Variants in PTPRT observed in about 807,000 individuals in gnomAD.
PTPRT encodes protein tyrosine phosphatase receptor type T.
Under a neutral mutation model 176.8 loss-of-function variants are expected in PTPRT, and 56 were observed. The ratio of observed to expected loss-of-function variants is 0.32; its 90% confidence interval spans 0.26 to 0.40. The LOEUF is 0.40. Ranked by LOEUF, PTPRT falls within the 10% of genes least tolerant of loss-of-function variation. The probability of loss-of-function intolerance (pLI) is 1.00; values close to 1 mark genes in which losing one functional copy is unlikely to be tolerated. For synonymous variants in PTPRT, 783 were observed against 739.0 expected, an observed-to-expected ratio of 1.06 and a Z score of -0.96; for missense variants, 1,540 against 1,908.2, an observed-to-expected ratio of 0.81 and a Z score of 3.60.
chr20:42,559,228 T>A (rs962384319), intron 7 of PTPRT, among the ~76,000 whole-genome samples: 1 of 152,204 alleles, frequency 6.6e-6, no homozygotes, highest in Non-Finnish European at 1.5e-5. Context: ...CTGTGATGTA[T>A]ACAAGGATTC....
At chr20:42,280,173 T>C (rs2057115599) in intron 13 of PTPRT, among the ~76,000 whole-genome samples, 2 of 152,190 alleles carry the variant, frequency 1.3e-5, no homozygotes, top group South Asian at 2.1e-4. Flanking sequence ...AGGTTCTTGA[T>C]ACAAACTCCT....
intron 15 of PTPRT, among the ~76,000 whole-genome samples, chr20:42,230,039 C>T (rs1023722644): frequency 2.0e-5 from 3 of 152,124 alleles, no homozygotes; most frequent in Admixed American, 1.3e-4. Flanking sequence ...CAAATTTGCT[C>T]CTGCCCATAA....
chr20:42,184,561 A>ATTCTTCTTC (rs1402560409), intron 16 of PTPRT, among the ~76,000 whole-genome samples: 2 of 128,256 alleles, frequency 1.6e-5, no homozygotes, highest in South Asian at 2.8e-4. Flanking sequence ...TCTTCTTCTT[A>ATTCTTCTTC]TTCTTCTTCT....
intron 8 of PTPRT, among the ~76,000 whole-genome samples, chr20:42,454,773 T>C (rs1433175923): frequency 6.6e-6 from 1 of 152,208 alleles, no homozygotes; most frequent in Non-Finnish European, 1.5e-5. Context: ...GATCAGATTT[T>C]AGTTTTTGTA....
intron 8 of PTPRT, among the ~76,000 whole-genome samples, chr20:42,451,023 A>C (rs2070818073): frequency 6.6e-6 from 1 of 152,186 alleles, no homozygotes; most frequent in African/African-American, 2.4e-5. Flanking sequence ...TCAGGGCAAA[A>C]TGGGGAGGAG....
At chr20:43,130,200 A>G (rs999884233) in intron 1 of PTPRT, among the ~76,000 whole-genome samples, 5 of 152,200 alleles carry the variant, frequency 3.3e-5, no homozygotes, top group African/African-American at 1.2e-4. Flanking sequence ...TCATTCAGAG[A>G]CTGAACCACA....
rs113394062 is a variant in PTPRT at position 42,818,956 on chromosome 20, G to T, written c.215-27490C>A. Reference sequence around the variant, plus strand: ...GTAGCAGAAAGAGATGGGGAGAGTGGAAACAAGCTGGAAAACACACTTCAG... The same window carrying T: ...GTAGCAGAAAGAGATGGGGAGAGTGTAAACAAGCTGGAAAACACACTTCAG... On this transcript the variant is annotated intron_variant, in intron 2 of 30. Transcript: ENST00000373187. Among the ~76,000 whole-genome samples the T allele has an allele frequency of 3.8e-3, 572 of 152,252 alleles. 4 individuals carry two copies. The highest frequency in any genetic ancestry group is 0.013 in the African/African-American group (540 of 41,550).
chr20:42,821,523 C>G (rs148776047), intron 2 of PTPRT, among the ~76,000 whole-genome samples: 1,911 of 152,252 alleles, frequency 0.013, 22 homozygotes, highest in Non-Finnish European at 0.022. Flanking sequence ...CCTCCTCTCA[C>G]CACTCCTATT....
intron 7 of PTPRT, among the ~76,000 whole-genome samples, chr20:42,544,873 C>T (rs1032758657): frequency 2.0e-5 from 3 of 152,150 alleles, no homozygotes; most frequent in Admixed American, 6.5e-5. Context: ...AGGCTGGTCT[C>T]GAACTTCTGA....
chr20:42,508,333 T>C (rs2071887206), intron 7 of PTPRT, among the ~76,000 whole-genome samples: 1 of 152,018 alleles, frequency 6.6e-6, no homozygotes, highest in South Asian at 2.1e-4. Context: ...CTAAGAACAG[T>C]TGGGGTTGGG....
At chr20:42,962,638 A>G (rs1019837436) in intron 1 of PTPRT, among the ~76,000 whole-genome samples, 7 of 152,250 alleles carry the variant, frequency 4.6e-5, no homozygotes, top group Non-Finnish European at 8.8e-5. Flanking sequence ...ATGATTAAAT[A>G]TCTGCAGGAT....
At chr20:42,501,132 T>C (rs922349860) in intron 7 of PTPRT, among the ~76,000 whole-genome samples, 2 of 152,044 alleles carry the variant, frequency 1.3e-5, no homozygotes, top group African/African-American at 4.8e-5. Flanking sequence ...CCCACAAGGG[T>C]AGCCAGTATC....
At chr20:42,647,137 C>A (rs1272110163) in intron 7 of PTPRT, among the ~76,000 whole-genome samples, 1 of 151,740 alleles carries the variant, frequency 6.6e-6, no homozygotes, top group Non-Finnish European at 1.5e-5. Flanking sequence ...GCTCAAGTGA[C>A]CCCTCCCACC....
chr20:42,694,520 A>T (rs2075843096), intron 6 of PTPRT, among the ~76,000 whole-genome samples: 1 of 152,178 alleles, frequency 6.6e-6, no homozygotes, highest in Non-Finnish European at 1.5e-5. Flanking sequence ...AGTTATGTAT[A>T]GGTTTTTGTG....
chr20:42,553,240 C>A (rs2072800121), intron 7 of PTPRT, among the ~76,000 whole-genome samples: 1 of 152,078 alleles, frequency 6.6e-6, no homozygotes, highest in South Asian at 2.1e-4. Flanking sequence ...AAATTTATTT[C>A]TTCTTCCTCA....
At chr20:42,817,925 G>A (rs771656942) in intron 2 of PTPRT, among the ~76,000 whole-genome samples, 2 of 152,204 alleles carry the variant, frequency 1.3e-5, no homozygotes, top group Non-Finnish European at 2.9e-5. Flanking sequence ...GGGACCAGCA[G>A]ACTTAGTCTC....
chr20:42,133,535 G>A (rs1337805706), intron 18 of PTPRT, among the ~76,000 whole-genome samples: 1 of 152,204 alleles, frequency 6.6e-6, no homozygotes, highest in Non-Finnish European at 1.5e-5. Flanking sequence ...AGGGGCTTGG[G>A]AGGAGGGAAG....
At chr20:42,985,375 A>G (rs1271936304) in intron 1 of PTPRT, among the ~76,000 whole-genome samples, 1 of 152,078 alleles carries the variant, frequency 6.6e-6, no homozygotes, top group Non-Finnish European at 1.5e-5. Flanking sequence ...CGTGCCTGTA[A>G]TCCCAGCTAC....
At chr20:42,710,434 A>G (rs1362235670) in intron 6 of PTPRT, among the ~76,000 whole-genome samples, 1 of 152,186 alleles carries the variant, frequency 6.6e-6, no homozygotes, top group Non-Finnish European at 1.5e-5. Context: ...TCCAGCTCCC[A>G]CTGTGGCTCA....
Sources: allele counts gnomAD v4.1 joint callset (sites outside exome capture counted in the v4.1 genomes callset), GRCh38; gene constraint gnomAD v4.1.1; transcripts MANE v1.5; gene names NCBI Gene and HGNC (gene_info 2026-07-23, HGNC 2026-07-21).